Variants in ANKRD26 observed in about 807,000 individuals in gnomAD.
The protein encoded by ANKRD26 is ankyrin repeat domain 26, also known as ankyrin repeat domain-containing protein 26.
In ANKRD26, 141 loss-of-function variants were observed where a neutral mutation model predicts 208.7. That is an observed-to-expected ratio of 0.68 (90% CI 0.59 to 0.78). ANKRD26 has a LOEUF of 0.78. Ranked by LOEUF, ANKRD26 falls within the 30% of genes least tolerant of loss-of-function variation. ANKRD26 has a pLI of 0.00. For missense variants in ANKRD26, 1,889 were observed against 1,938.7 expected, an observed-to-expected ratio of 0.97 and a Z score of 0.48; for synonymous variants, 636 against 660.4, an observed-to-expected ratio of 0.96 and a Z score of 0.57.
the ANKRD26 span, among the ~76,000 whole-genome samples, chr10:26,947,884 A>G: frequency 6.6e-6 from 1 of 152,248 alleles, no homozygotes; most frequent in Non-Finnish European, 1.5e-5. Flanking sequence ...TGCAATAATA[A>G]CAATTCTAAG....
At chr10:27,085,093 TTG>T (rs2056066875) in intron 5 of ANKRD26, among the ~76,000 whole-genome samples, 3 of 151,392 alleles carry the variant, frequency 2.0e-5, no homozygotes, top group East Asian at 1.9e-4. Flanking sequence ...AAGAACACAC[TTG>T]TTTTTTTTGT....
At chr10:27,061,852 AAG>A (rs2055069305) in intron 12 of ANKRD26, 2 of 885,424 alleles carry the variant, frequency 2.3e-6, no homozygotes, top group Non-Finnish European at 2.7e-6. Context: ...GCAAACCACC[AAG>A]ATCAGTCCAA....
At chr10:27,041,778 GAAGA>G (rs1266997989) in intron 20 of ANKRD26, among the ~76,000 whole-genome samples, 5 of 151,862 alleles carry the variant, frequency 3.3e-5, no homozygotes, top group African/African-American at 4.8e-5. Context: ...AAAGAGGAAG[GAAGA>G]GAGACAGAAA....
Position 27,017,596 on chromosome 10 carries a change from T to C in ANKRD26, c.4412A>G (p.Glu1471Gly). 1 of 1,613,708 alleles carries C rather than the reference T, an allele frequency of 6.2e-7. No individual in the cohort carries two copies. Among genetic ancestry groups the C allele is most frequent in the Non-Finnish European group, 8.5e-7 (1 of 1,179,834 alleles). ...LRSHIERNMV[E>G]LGQVKQYKQE... ...TTTATACTGTTTGACTTGACCAAGTTCTACCATATTCCTTTCTATATGACT... is the reference window on the plus strand; with the variant it reads ...TTTATACTGTTTGACTTGACCAAGTCCTACCATATTCCTTTCTATATGACT... The change falls in exon 30 of 34, where the codon GAA (glutamate) becomes GGA (glycine). Residue 1471 changes from glutamate (E) to glycine (G), a missense_variant. Transcript: ENST00000376087.
downstream of ANKRD26, among the ~76,000 whole-genome samples, chr10:26,987,076 T>C (rs1436806019): frequency 2.6e-5 from 4 of 152,160 alleles, no homozygotes; most frequent in Admixed American, 6.5e-5. Context: ...GTGGCACATA[T>C]ACACCATGGA....
At chr10:27,083,294 ACATG>A (rs2135638243) in intron 5 of ANKRD26, among the ~76,000 whole-genome samples, 1 of 152,286 alleles carries the variant, frequency 6.6e-6, no homozygotes, top group Admixed American at 6.5e-5. Context: ...TCCTAGTTAA[ACATG>A]CACTCTTAAC....
At chr10:26,974,584 C>A (rs906909632) in exon 6 of ANKRD26, among the ~76,000 whole-genome samples, 3 of 152,182 alleles carry the variant, frequency 2.0e-5, no homozygotes, top group Non-Finnish European at 2.9e-5. Context: ...TCCTGATCTG[C>A]CTGCCTTGGC....
At chr10:27,086,639 G>T in intron 4 of ANKRD26, 30 bp from the exon 5 acceptor site, 2 of 1,578,186 alleles carry the variant, frequency 1.3e-6, no homozygotes, top group Admixed American at 1.7e-5. Flanking sequence ...ACAAAATTAT[G>T]TTAATACTGA....
chr10:26,997,466 C>T (rs1165296454), intron 4 of ANKRD26, among the ~76,000 whole-genome samples: 1 of 152,166 alleles, frequency 6.6e-6, no homozygotes, highest in Non-Finnish European at 1.5e-5. Flanking sequence ...TTGTATCCTC[C>T]TGCTGTGGCT....
chr10:27,015,015 T>G (rs918199538), intron 30 of ANKRD26, among the ~76,000 whole-genome samples: 2 of 152,070 alleles, frequency 1.3e-5, no homozygotes, highest in Non-Finnish European at 2.9e-5. Context: ...TGGGGGGAAA[T>G]GTCATATAGA....
At chr10:27,012,756 G>C in intron 32 of ANKRD26, 126 bp downstream of exon 32, 1 of 864,918 alleles carries the variant, frequency 1.2e-6, no homozygotes, top group South Asian at 1.5e-5. Context: ...AGGTTGCAGT[G>C]AGCCAAGATG....
At position 27,027,119 on chromosome 10, in the gene ANKRD26, T is replaced by C. The variant is rs180852293; in HGVS notation, c.3972+1733A>G. On this transcript the variant is annotated intron_variant, in intron 27 of 33. Transcript: ENST00000376087. ...TGAAAGACTGATGAACACAGATAAA[T>C]GGGAAAAAAAGTTTCTGAATCTGCA... is the stretch of plus-strand genomic sequence containing the variant. 1.6e-3 allele frequency among the ~76,000 whole-genome samples: 246 copies of C among 152,266 alleles called. 4 individuals carry two copies. The highest frequency in any genetic ancestry group is 5.7e-3 in the African/African-American group (236 of 41,556).
the ANKRD26 span, among the ~76,000 whole-genome samples, chr10:26,952,137 G>A: frequency 1.3e-5 from 2 of 152,102 alleles, no homozygotes; most frequent in African/African-American, 4.8e-5. Context: ...CCAATGCTAA[G>A]CCTGATTGAC....
chr10:27,093,949 C>G, intron 1 of ANKRD26, 150 bp from the exon 2 acceptor site: 3 of 722,254 alleles, frequency 4.2e-6, no homozygotes, highest in Middle Eastern at 3.7e-4. Context: ...CCAACCAAAT[C>G]CCAAATTGTA....
chr10:27,052,980 C>A (rs919573137), intron 16 of ANKRD26, among the ~76,000 whole-genome samples: 3 of 152,140 alleles, frequency 2.0e-5, no homozygotes, highest in African/African-American at 7.2e-5. Context: ...ATAATTTCTA[C>A]TGCTTAATAA....
chr10:27,014,792 G>A, intron 30 of ANKRD26, 81 bp from the exon 31 acceptor site: 1 of 1,183,602 alleles, frequency 8.4e-7, no homozygotes, highest in African/African-American at 1.5e-5. Context: ...TCTAAGGGCT[G>A]TTTTGTTTTT....
the ANKRD26 span, among the ~76,000 whole-genome samples, chr10:26,954,025 A>C: frequency 6.6e-6 from 1 of 152,184 alleles, no homozygotes; most frequent in Non-Finnish European, 1.5e-5. Context: ...AAAACAAGAA[A>C]ATACACTGTT....
At chr10:27,064,900 C>A (rs1164874147) in intron 11 of ANKRD26, among the ~76,000 whole-genome samples, 1 of 152,074 alleles carries the variant, frequency 6.6e-6, no homozygotes, top group African/African-American at 2.4e-5. Flanking sequence ...GTGAAATGTG[C>A]CAGGCACTTA....
intron 9 of ANKRD26, among the ~76,000 whole-genome samples, chr10:27,068,842 C>T (rs531665227): frequency 3.3e-5 from 5 of 149,888 alleles, no homozygotes; most frequent in African/African-American, 9.8e-5. Flanking sequence ...TGAACTGTCA[C>T]ATTTTCTTTG....
Sources: gnomAD v4.1 joint callset for allele counts (sites outside exome capture counted in the v4.1 genomes callset) on GRCh38, gnomAD v4.1.1 for gene constraint, MANE v1.5 for transcripts, NCBI Gene and HGNC (gene_info 2026-07-23, HGNC 2026-07-21) for gene names.